The following LRRC40 variants were observed in gnomAD, a reference collection of about 807,000 sequenced individuals.
LRRC40 encodes the protein leucine rich repeat containing 40, also known as leucine-rich repeat-containing protein 40.
In LRRC40, 76 loss-of-function variants were observed where a neutral mutation model predicts 72.8. The observed-to-expected ratio is 1.04, with a 90% confidence interval of 0.87 to 1.26. LRRC40 has a LOEUF of 1.26. LRRC40 is among the 50% of genes most tolerant of loss of function. The pLI, the probability that LRRC40 is intolerant of heterozygous loss-of-function variation, is 0.00. For synonymous variants in LRRC40, 243 were observed against 254.2 expected (o/e 0.96, Z 0.42); for missense variants, 684 against 698.9 (o/e 0.98, Z 0.24).
At chr1:70,163,254 A>C (rs1366374635) in intron 9 of LRRC40, among the ~76,000 whole-genome samples, 3 of 151,866 alleles carry the variant, frequency 2.0e-5, no homozygotes, top group Non-Finnish European at 4.4e-5. Flanking sequence ...ATGCCCAGCT[A>C]ATTGCTGTAT....
chr1:70,151,448 A>C (rs1667487871), intron 12 of LRRC40, among the ~76,000 whole-genome samples: 1 of 152,138 alleles, frequency 6.6e-6, no homozygotes, highest in Non-Finnish European at 1.5e-5. Context: ...AATTCTTTAC[A>C]GGTTTAATAG....
Position 70,183,538 on chromosome 1 carries a change from CTCTT to C in LRRC40, c.537+1243_537+1246del, listed in dbSNP as rs111466569. On this transcript the variant is annotated intron_variant, in intron 4 of 14. Coordinates refer to ENST00000370952, the MANE Select transcript of LRRC40 (RefSeq NM_017768.5). ...TGTCTCTTTCTTTCTTCCTTTCTCT[CTCTT>C]TCTTTTTCTTTCCTCTCTCTCTCTT... Among the ~76,000 whole-genome samples, 10 of 151,906 alleles carry C rather than the reference CTCTT, an allele frequency of 6.6e-5. 1 individual carries two copies. Among genetic ancestry groups the C allele is most frequent in the Middle Eastern group, 3.4e-3 (1 of 294 alleles).
At chr1:70,173,766 A>G (rs550758003) in intron 7 of LRRC40, 57 bp from the exon 8 acceptor site, 14 of 814,868 alleles carry the variant, frequency 1.7e-5, no homozygotes, top group Admixed American at 9.1e-5. Context: ...TACTCCAACC[A>G]TAGTTAACTA....
chr1:70,177,504 CT>C (rs1325938747), intron 6 of LRRC40, among the ~76,000 whole-genome samples: 2 of 152,104 alleles, frequency 1.3e-5, no homozygotes, highest in Admixed American at 1.3e-4. Context: ...AAAAAATGAT[CT>C]CTTGCAGTTC....
chr1:70,173,913 T>C (rs1668049615), intron 7 of LRRC40, among the ~76,000 whole-genome samples: 3 of 152,072 alleles, frequency 2.0e-5, no homozygotes, highest in Admixed American at 6.5e-5. Context: ...AAAATTGTCA[T>C]GCTGAGATTA....
rs754844606 is a variant in LRRC40, at chr1:70,148,669, A to C, written c.1521T>G (p.Phe507Leu). 1 of 1,598,178 alleles carries C rather than the reference A, an allele frequency of 6.3e-7. No individual in the cohort carries two copies. Among genetic ancestry groups the C allele is most frequent in the Non-Finnish European group, 8.6e-7 (1 of 1,167,582 alleles). The part of the protein sequence containing the change: ...LQTINLSFNR[F>L]KMLPEVLYRI... ...GATATAGAACTTCAGGTAGCATTTT[A>C]AACCTATTAATACATGAACAGAACA... The change falls in exon 14 of 15, where the codon TTT (phenylalanine) becomes TTG (leucine). Residue 507 changes from phenylalanine to leucine, a missense_variant. Transcript: ENST00000370952.
chr1:70,151,035 G>A, intron 13 of LRRC40, 93 bp downstream of exon 13: 1 of 636,366 alleles, frequency 1.6e-6, no homozygotes, highest in Non-Finnish European at 2.8e-6. Flanking sequence ...TAAAGTAGAA[G>A]GGGCCTTTTT....
chr1:70,190,937 T>C (rs1240083769), intron 1 of LRRC40, among the ~76,000 whole-genome samples: 1 of 151,956 alleles, frequency 6.6e-6, no homozygotes, highest in Non-Finnish European at 1.5e-5. Context: ...TTGACTGATT[T>C]GAGAGCCAAA....
intron 14 of LRRC40, chr1:70,148,137 CAAAA>C (rs35638808): frequency 1.2e-4 from 11 of 94,200 alleles, no homozygotes; most frequent in South Asian, 6.2e-4. Flanking sequence ...CAATCAATTT[CAAAA>C]AAAAAAAAAA....
At chr1:70,156,042 G>A (rs986665977) in intron 10 of LRRC40, among the ~76,000 whole-genome samples, 1 of 151,932 alleles carries the variant, frequency 6.6e-6, no homozygotes, top group African/African-American at 2.4e-5. Flanking sequence ...TACTCAATGT[G>A]AATAAAAATA....
chr1:70,201,840 G>A (rs1409323801), intron 1 of LRRC40, among the ~76,000 whole-genome samples: 2 of 152,094 alleles, frequency 1.3e-5, no homozygotes, highest in African/African-American at 4.8e-5. Context: ...AGCCAGGCAT[G>A]ACAGCACATC....
At chr1:70,183,371 C>A (rs562006353) in intron 4 of LRRC40, among the ~76,000 whole-genome samples, 2 of 151,704 alleles carry the variant, frequency 1.3e-5, no homozygotes, top group South Asian at 4.2e-4. Flanking sequence ...GATGGTATAG[C>A]CTGCAGTGGA....
chr1:70,178,998 A>G lies in LRRC40; in HGVS notation c.662-5T>C, dbSNP rs534094711. 2.6e-6 allele frequency: 4 copies of G among 1,540,770 alleles called. No individual in the cohort carries two copies. In the Admixed American group the frequency reaches 5.9e-5, roughly 23 times the overall value. On this transcript the variant is annotated splice_polypyrimidine_tract_variant and splice_region_variant and intron_variant, in intron 5 of 14. Coordinates refer to ENST00000370952, the MANE Select transcript of LRRC40 (RefSeq NM_017768.5). Reference sequence around the variant, plus strand: ...TACAATCCAAATGCTTCAACCCTGTAATATATATTCAGTAAAAAACAAAAA... The same window carrying G: ...TACAATCCAAATGCTTCAACCCTGTGATATATATTCAGTAAAAAACAAAAA...
At chr1:70,152,340 C>T in intron 12 of LRRC40, 93 bp downstream of exon 12, 1 of 673,076 alleles carries the variant, frequency 1.5e-6, no homozygotes, top group Non-Finnish European at 2.6e-6. Context: ...CCATACATAC[C>T]TAGGAAAATA....
At chr1:70,200,623 CTA>C (rs1267006958) in intron 1 of LRRC40, among the ~76,000 whole-genome samples, 2 of 152,084 alleles carry the variant, frequency 1.3e-5, no homozygotes, top group Admixed American at 6.5e-5. Context: ...ACTTATGAGA[CTA>C]TGAATTGTTT....
At chr1:70,172,644 G>A (rs774078102) in intron 9 of LRRC40, among the ~76,000 whole-genome samples, 14 of 152,116 alleles carry the variant, frequency 9.2e-5, no homozygotes, top group Admixed American at 2.0e-4. Flanking sequence ...TTTGGAGAAG[G>A]AAACACTTTC....
chr1:70,186,105 G>A (rs1339961726), intron 3 of LRRC40, among the ~76,000 whole-genome samples: 2 of 152,094 alleles, frequency 1.3e-5, no homozygotes, highest in Non-Finnish European at 2.9e-5. Flanking sequence ...TGGTTACCTA[G>A]CTGAAATCTT....
At chr1:70,173,265 T>G (rs1461430781) in intron 9 of LRRC40, among the ~76,000 whole-genome samples, 200 bp downstream of exon 9, 1 of 152,046 alleles carries the variant, frequency 6.6e-6, no homozygotes, top group Non-Finnish European at 1.5e-5. Context: ...TTACAGATAG[T>G]ACATTATTAT....
At chr1:70,187,591 G>T (rs1477992326) in intron 2 of LRRC40, among the ~76,000 whole-genome samples, 1 of 151,312 alleles carries the variant, frequency 6.6e-6, no homozygotes, top group East Asian at 1.9e-4. Context: ...TTGGGAGGCC[G>T]AAGAAGGCAA....
Sources: allele counts gnomAD v4.1 joint callset (sites outside exome capture counted in the v4.1 genomes callset), GRCh38; gene constraint gnomAD v4.1.1; transcripts MANE v1.5; gene names NCBI Gene and HGNC (gene_info 2026-07-23, HGNC 2026-07-21).